The following VAV2 variants were observed in gnomAD, a reference collection of about 807,000 sequenced individuals.
VAV2 encodes vav guanine nucleotide exchange factor 2.
In VAV2, 67 loss-of-function variants were observed where a neutral mutation model predicts 132.5. The observed-to-expected ratio is 0.51, with a 90% CI of 0.42 to 0.62. The LOEUF is 0.62. VAV2 is among the 20% of genes least tolerant of loss of function. The probability of loss-of-function intolerance (pLI) is 0.00; values close to 1 mark genes in which losing one functional copy is unlikely to be tolerated. For missense variants in VAV2, 938 were observed against 1,153.6 expected, an observed-to-expected ratio of 0.81 and a Z score of 2.71; for synonymous variants, 492 against 443.5, an observed-to-expected ratio of 1.11 and a Z score of -1.37.
At chr9:133,870,601 G>A (rs1393289799) in intron 2 of VAV2, among the ~76,000 whole-genome samples, 2 of 152,266 alleles carry the variant, frequency 1.3e-5, no homozygotes, top group East Asian at 3.9e-4. Flanking sequence ...GACCACCTGA[G>A]CCTTGGGGAC....
At chr9:133,848,180 T>G (rs1381485404) in intron 3 of VAV2, among the ~76,000 whole-genome samples, 2 of 147,296 alleles carry the variant, frequency 1.4e-5, no homozygotes, top group Non-Finnish European at 3.0e-5. Context: ...CTCGGGAGGC[T>G]GAGGCAGGAG....
At chr9:133,785,992 ATATG>A in intron 16 of VAV2, 107 bp from the exon 17 acceptor site, 1 of 956,598 alleles carries the variant, frequency 1.0e-6, no homozygotes, top group Non-Finnish European at 1.6e-6. Context: ...GTGTATATGC[ATATG>A]TGCACAGGTG....
chr9:133,876,895 G>A (rs979500739), intron 2 of VAV2, among the ~76,000 whole-genome samples: 1 of 152,166 alleles, frequency 6.6e-6, no homozygotes, highest in Non-Finnish European at 1.5e-5. Flanking sequence ...CCTGAAGAAC[G>A]GGGACAATGG....
rs1475352212 is a variant in VAV2, at chr9:133,918,974, C to T, written c.321+20129G>A. Among the ~76,000 whole-genome samples the T allele has an allele frequency of 6.6e-6, 1 of 152,064 alleles. No homozygotes were observed. Among genetic ancestry groups the T allele is most frequent in the Non-Finnish European group, 1.5e-5 (1 of 68,004 alleles). On this transcript the variant is annotated intron_variant, in intron 2 of 29. Transcript: ENST00000371850. The surrounding 1 kb of genome is among the most constrained non-coding windows in gnomAD (Gnocchi z 4.7). ...ATTTTTAGTAGAGACGGGGTTTCAC[C>T]ATGTTGTCCAGGCTGGTCTCGAACT...
chr9:133,896,075 G>GCGGCCTTC lies in VAV2; in HGVS notation c.322-34651_322-34644dup, dbSNP rs1319495495. Among the ~76,000 whole-genome samples the GCGGCCTTC allele has an allele frequency of 4.4e-4, 37 of 84,200 alleles. 4 individuals are homozygous for GCGGCCTTC. Among genetic ancestry groups the GCGGCCTTC allele is most frequent in the Admixed American group, 3.6e-3 (33 of 9,198 alleles). The allele number at this position is 84,200 out of a possible 152,430, so 55.2% of individuals were successfully genotyped here. On this transcript the variant is annotated intron_variant, in intron 2 of 29. Coordinates refer to ENST00000371850, the MANE Select transcript of VAV2 (RefSeq NM_001134398.2). ...CTGGTTTTCCTAGGCAGAGGACCCT[G>GCGGCCTTC]CGGCCTTCCGCAGTGTTTGTGTCCC...
chr9:133,956,679 G>A (rs969010201), intron 1 of VAV2, among the ~76,000 whole-genome samples: 3 of 152,196 alleles, frequency 2.0e-5, no homozygotes, highest in Non-Finnish European at 2.9e-5. Context: ...CAGGCCCCTC[G>A]GCTGGTGGGC....
At chr9:133,782,935 C>A (rs1834062090) in intron 19 of VAV2, among the ~76,000 whole-genome samples, 1 of 152,182 alleles carries the variant, frequency 6.6e-6, no homozygotes, top group Admixed American at 6.5e-5. Context: ...CTCCAGGGCG[C>A]ATCCCTGCCT....
At chr9:133,979,547 G>T (rs1358766586) in intron 1 of VAV2, among the ~76,000 whole-genome samples, 1 of 152,206 alleles carries the variant, frequency 6.6e-6, no homozygotes, top group Admixed American at 6.5e-5. Context: ...GACAGGGAGG[G>T]AGGACAAGCA....
At chr9:133,787,355 C>CT in intron 15 of VAV2, 95 bp from the exon 16 acceptor site, 1 of 1,360,918 alleles carries the variant, frequency 7.3e-7, no homozygotes, top group Non-Finnish European at 9.6e-7. Flanking sequence ...GCGCCAGGAG[C>CT]CCTGGCAGGT....
intron 1 of VAV2, among the ~76,000 whole-genome samples, chr9:133,946,294 T>C (rs991640526): frequency 3.9e-5 from 6 of 152,180 alleles, no homozygotes; most frequent in Admixed American, 2.6e-4. Context: ...GGCTCTCTGC[T>C]CATGGCCAGA....
At chr9:133,983,500 G>A (rs1307080213) in intron 1 of VAV2, among the ~76,000 whole-genome samples, 2 of 151,988 alleles carry the variant, frequency 1.3e-5, no homozygotes, top group East Asian at 1.9e-4. Flanking sequence ...CCAGGGCCCC[G>A]ACCCATCTCC....
chr9:133,917,462 G>A (rs1318652007), intron 2 of VAV2, among the ~76,000 whole-genome samples: 2 of 113,634 alleles, frequency 1.8e-5, no homozygotes, highest in Non-Finnish European at 3.3e-5. Flanking sequence ...TTTTTGGCTA[G>A]AAGGGTTTTA....
intron 2 of VAV2, among the ~76,000 whole-genome samples, chr9:133,938,031 C>T (rs1039299997): frequency 1.3e-5 from 2 of 152,244 alleles, no homozygotes; most frequent in African/African-American, 2.4e-5. Flanking sequence ...CACTTCCACA[C>T]GCTCCTCTCA....
intron 1 of VAV2, among the ~76,000 whole-genome samples, chr9:133,946,204 G>A (rs1010593625): frequency 6.6e-6 from 1 of 152,210 alleles, no homozygotes; most frequent in African/African-American, 2.4e-5. Context: ...CCTTTAGTTC[G>A]CAGCAGAGCT....
intron 9 of VAV2, among the ~76,000 whole-genome samples, chr9:133,799,082 G>C (rs1398354844): frequency 6.6e-6 from 1 of 152,260 alleles, no homozygotes; most frequent in East Asian, 1.9e-4. Context: ...TTCTGCGGAG[G>C]GTGGCCCTCG....
chr9:133,909,863 G>A lies in VAV2; in HGVS notation c.321+29240C>T, dbSNP rs115643025. On this transcript the variant is annotated intron_variant, in intron 2 of 29. Transcript: ENST00000371850. ...ACTTCAGATTCTTTATGTGTGCCAA[G>A]AAGGATGAGCCTGCCACTCACTCTC... Among the ~76,000 whole-genome samples, 1,196 of 152,290 alleles carry A rather than the reference G, an allele frequency of 7.9e-3. 20 individuals carry two copies. The highest frequency in any genetic ancestry group is 0.027 in the African/African-American group (1,120 of 41,538).
At chr9:133,948,302 G>A (rs1476693601) in intron 1 of VAV2, among the ~76,000 whole-genome samples, 1 of 152,246 alleles carries the variant, frequency 6.6e-6, no homozygotes. Context: ...CAAGGCGTCA[G>A]GCCAGCAGGC....
chr9:133,865,664 T>C (rs1837768654), intron 2 of VAV2, among the ~76,000 whole-genome samples: 1 of 152,262 alleles, frequency 6.6e-6, no homozygotes, highest in Non-Finnish European at 1.5e-5. Context: ...ATAGAAATTC[T>C]CTCTCATCGA....
intron 1 of VAV2, among the ~76,000 whole-genome samples, chr9:133,960,180 G>A (rs928573178): frequency 3.9e-5 from 6 of 152,330 alleles, no homozygotes; most frequent in Non-Finnish European, 5.9e-5. Flanking sequence ...AGCTGGGGCC[G>A]ACAGTCCAGC....
Sources: allele counts gnomAD v4.1 joint callset (sites outside exome capture counted in the v4.1 genomes callset), GRCh38; gene constraint gnomAD v4.1.1; non-coding constraint Gnocchi (gnomAD v3.1); transcripts MANE v1.5; gene names NCBI Gene and HGNC (gene_info 2026-07-23, HGNC 2026-07-21).